FAF1: variants seen among roughly 807,000 people sequenced by gnomAD.
FAF1 encodes the protein FAS-associated factor 1.
A neutral mutation model predicts 92.5 loss-of-function variants in FAF1; 25 were observed. The ratio of observed to expected loss-of-function variants is 0.27; its 90% CI spans 0.20 to 0.38. The LOEUF (loss-of-function observed/expected upper bound fraction) is 0.38, where lower values mean the gene tolerates loss of function less well. Among genes scored for constraint, FAF1 ranks in the 10% least tolerant of loss-of-function variants. The probability of loss-of-function intolerance (pLI) is 1.00; values close to 1 mark genes in which losing one functional copy is unlikely to be tolerated. For missense variants in FAF1, 636 were observed against 793.3 expected, an observed-to-expected ratio of 0.80 and a Z score of 2.38; for synonymous variants, 234 against 273.2, an observed-to-expected ratio of 0.86 and a Z score of 1.42.
chr1:50,639,674 G>A (rs1654226305), intron 8 of FAF1, among the ~76,000 whole-genome samples: 1 of 151,522 alleles, frequency 6.6e-6, no homozygotes, highest in Non-Finnish European at 1.5e-5. Context: ...GGTGGCTAAC[G>A]CCTGTAATCC....
intron 1 of FAF1, among the ~76,000 whole-genome samples, chr1:50,865,996 C>A (rs1380194215): frequency 6.6e-6 from 1 of 151,874 alleles, no homozygotes; most frequent in African/African-American, 2.4e-5. Context: ...AAATGAGAAT[C>A]CACCATGATC....
In FAF1 at chr1:50,583,648, C is replaced by T. The variant is rs1651088797; in HGVS notation, c.1031+4G>A. 6.4e-7 allele frequency: 1 copy of T among 1,562,758 alleles called. No homozygotes were observed. Among genetic ancestry groups the T allele is most frequent in the Non-Finnish European group, 8.7e-7 (1 of 1,147,020 alleles). ...AATTTATATAGTTAATGTCCTAACC[C>T]TACCTTGAAGAAAACTCTGCTGTAA... On this transcript the variant is annotated splice_donor_region_variant and intron_variant, in intron 11 of 18. Coordinates refer to ENST00000396153, the MANE Select transcript of FAF1 (RefSeq NM_007051.3). The surrounding 1 kb of genome is among the most constrained non-coding windows in gnomAD (Gnocchi z 4.2).
chr1:50,697,855 T>C (rs1324206735), intron 7 of FAF1, among the ~76,000 whole-genome samples: 2 of 152,190 alleles, frequency 1.3e-5, no homozygotes, highest in Non-Finnish European at 2.9e-5. Context: ...ACTATAGCCC[T>C]ATATTGAGCA....
intron 2 of FAF1, among the ~76,000 whole-genome samples, chr1:50,854,283 G>C (rs1332667465): frequency 6.6e-6 from 1 of 151,990 alleles, no homozygotes; most frequent in Non-Finnish European, 1.5e-5. Flanking sequence ...CACGGAAAAA[G>C]ACAGCCCTTT....
At chr1:50,501,888 C>A (rs76027421) in intron 15 of FAF1, among the ~76,000 whole-genome samples, 39,544 of 151,958 alleles carry the variant, frequency 0.26, 5,557 homozygotes, top group Middle Eastern at 0.44. Context: ...TTACCATATG[C>A]CTATATAAAA....
At chr1:50,566,803 A>G (rs912400883) in intron 13 of FAF1, among the ~76,000 whole-genome samples, 4 of 152,220 alleles carry the variant, frequency 2.6e-5, no homozygotes, top group African/African-American at 9.6e-5. Flanking sequence ...GTTCAAAAAC[A>G]TATTAGAAAT....
At chr1:50,699,262 TCA>T (rs1376402288) in intron 7 of FAF1, among the ~76,000 whole-genome samples, 1 of 152,118 alleles carries the variant, frequency 6.6e-6, no homozygotes, top group African/African-American at 2.4e-5. Context: ...ACTAATTATT[TCA>T]CAGTCTTAGT....
chr1:50,515,235 T>C (rs1647202198), intron 15 of FAF1, among the ~76,000 whole-genome samples: 1 of 152,164 alleles, frequency 6.6e-6, no homozygotes, highest in African/African-American at 2.4e-5. Flanking sequence ...ATTCCCACAA[T>C]ACCACAATGG....
chr1:50,450,817 A>C (rs182443019), intron 18 of FAF1, among the ~76,000 whole-genome samples: 6 of 152,342 alleles, frequency 3.9e-5, no homozygotes, highest in Non-Finnish European at 7.3e-5. Flanking sequence ...ATTATTAATA[A>C]TAATTATTAT....
chr1:50,544,176 A>G (rs1648893012), intron 13 of FAF1, among the ~76,000 whole-genome samples: 1 of 152,192 alleles, frequency 6.6e-6, no homozygotes, highest in African/African-American at 2.4e-5. Context: ...TAAGGTTCCC[A>G]TATGAGTTTC....
chr1:50,866,686 A>T (rs1360048736), intron 1 of FAF1, among the ~76,000 whole-genome samples: 2 of 152,190 alleles, frequency 1.3e-5, no homozygotes, highest in Non-Finnish European at 2.9e-5. Flanking sequence ...TGCTGAAAGA[A>T]ATCATAGATG....
At chr1:50,627,992 G>GA (rs1231672471) in intron 8 of FAF1, among the ~76,000 whole-genome samples, 1 of 152,088 alleles carries the variant, frequency 6.6e-6, no homozygotes, top group Non-Finnish European at 1.5e-5. Flanking sequence ...TAAGTAGAAG[G>GA]AAAAAAATTG....
At chr1:50,913,091 T>C (rs879667793) in intron 1 of FAF1, among the ~76,000 whole-genome samples, 3 of 152,246 alleles carry the variant, frequency 2.0e-5, no homozygotes, top group Non-Finnish European at 4.4e-5. Context: ...TCACTTATTA[T>C]AGCACTTACT....
At chr1:50,886,967 A>G (rs1644671249) in intron 1 of FAF1, among the ~76,000 whole-genome samples, 1 of 152,282 alleles carries the variant, frequency 6.6e-6, no homozygotes, top group East Asian at 1.9e-4. Flanking sequence ...GTCTTCCACA[A>G]TGGTTGAACT....
intron 2 of FAF1, among the ~76,000 whole-genome samples, chr1:50,802,003 T>G (rs962507526): frequency 6.6e-6 from 1 of 152,132 alleles, no homozygotes; most frequent in African/African-American, 2.4e-5. Context: ...ATCAGTAACT[T>G]CATCTTATAA....
chr1:50,547,519 A>G (rs1649088287), intron 13 of FAF1, among the ~76,000 whole-genome samples: 1 of 151,736 alleles, frequency 6.6e-6, no homozygotes, highest in Admixed American at 6.6e-5. Flanking sequence ...GGTTTAAGTG[A>G]TTCTCCTGCC....
chr1:50,537,963 T>C (rs536785238), intron 14 of FAF1, among the ~76,000 whole-genome samples: 1 of 152,316 alleles, frequency 6.6e-6, no homozygotes, highest in East Asian at 1.9e-4. Flanking sequence ...GAAATCTGTG[T>C]ACTCTGTTAC....
intron 2 of FAF1, among the ~76,000 whole-genome samples, chr1:50,810,231 G>A (rs930387976): frequency 2.6e-5 from 4 of 151,774 alleles, no homozygotes; most frequent in African/African-American, 4.8e-5. Context: ...CTCCAGCCTG[G>A]GCAACAAGAG....
intron 15 of FAF1, among the ~76,000 whole-genome samples, chr1:50,533,919 G>A (rs1648322571): frequency 1.3e-5 from 2 of 152,026 alleles, no homozygotes; most frequent in African/African-American, 4.8e-5. Flanking sequence ...CCAGCTATAT[G>A]GCCTTGGGCA....
Sources: gnomAD v4.1 joint callset for allele counts (sites outside exome capture counted in the v4.1 genomes callset) on GRCh38, gnomAD v4.1.1 for gene constraint, Gnocchi (gnomAD v3.1) non-coding constraint, MANE v1.5 for transcripts, NCBI Gene and HGNC (gene_info 2026-07-23, HGNC 2026-07-21) for gene names.